ZNF385D: variants seen among roughly 807,000 people sequenced by gnomAD.
ZNF385D encodes the protein zinc finger protein 659.
In ZNF385D, 15 loss-of-function variants were observed where a neutral mutation model predicts 35.8. The ratio of observed to expected loss-of-function variants is 0.42; its 90% confidence interval spans 0.28 to 0.64. The LOEUF (loss-of-function observed/expected upper bound fraction) is 0.64, where lower values mean the gene tolerates loss of function less well. Ranked by LOEUF, ZNF385D falls within the 30% of genes least tolerant of loss-of-function variation. ZNF385D has a pLI of 0.23. For missense variants in ZNF385D, 474 were observed against 494.6 expected (o/e 0.96, Z 0.39); for synonymous variants, 212 against 186.8 (o/e 1.13, Z -1.10).
At chr3:22,242,511 C>G (rs541081598) in intron 2 of ZNF385D, among the ~76,000 whole-genome samples, 4 of 150,592 alleles carry the variant, frequency 2.7e-5, no homozygotes, top group Admixed American at 2.6e-4. Context: ...TAATTCCAAT[C>G]TAATTATGAG....
At chr3:21,439,945 A>G (rs1701772534) in intron 4 of ZNF385D, among the ~76,000 whole-genome samples, 1 of 152,090 alleles carries the variant, frequency 6.6e-6, no homozygotes, top group Non-Finnish European at 1.5e-5. Context: ...TTATTTTCTA[A>G]GCATGTAGTT....
At chr3:22,114,365 A>G (rs1031856288) in intron 3 of ZNF385D, among the ~76,000 whole-genome samples, 101 of 152,154 alleles carry the variant, frequency 6.6e-4, no homozygotes, top group African/African-American at 2.3e-3. Context: ...AAATAAAGGC[A>G]TGATTTACTC....
chr3:22,349,833 T>A (rs1012508566), intron 2 of ZNF385D, among the ~76,000 whole-genome samples: 2 of 152,154 alleles, frequency 1.3e-5, no homozygotes, highest in Admixed American at 1.3e-4. Context: ...GATAAATTTC[T>A]AGACATTGCC....
chr3:22,081,905 G>A (rs147264223), intron 3 of ZNF385D, among the ~76,000 whole-genome samples: 53 of 151,512 alleles, frequency 3.5e-4, no homozygotes, highest in East Asian at 1.8e-3. Context: ...AGCTAACACA[G>A]TGATCTTATC....
At chr3:21,643,815 C>T (rs1047228891) in intron 2 of ZNF385D, among the ~76,000 whole-genome samples, 33 of 152,250 alleles carry the variant, frequency 2.2e-4, no homozygotes, top group African/African-American at 7.7e-4. Flanking sequence ...ATGCTAGTGG[C>T]TTCCCATTTG....
intron 3 of ZNF385D, among the ~76,000 whole-genome samples, chr3:21,951,599 C>T (rs1702070071): frequency 6.6e-6 from 1 of 151,338 alleles, no homozygotes; most frequent in South Asian, 2.1e-4. Context: ...TGAATAAGAC[C>T]CTATTTTCTG....
chr3:21,493,411 G>T (rs1381944967), intron 4 of ZNF385D, among the ~76,000 whole-genome samples: 1 of 152,064 alleles, frequency 6.6e-6, no homozygotes, highest in African/African-American at 2.4e-5. Context: ...TATTTTAGAT[G>T]ATGCCATATT....
chr3:22,287,342 T>A (rs1410527769), intron 2 of ZNF385D, among the ~76,000 whole-genome samples: 3 of 152,006 alleles, frequency 2.0e-5, no homozygotes, highest in Non-Finnish European at 4.4e-5. Flanking sequence ...TACTTTCTTA[T>A]TGCAAATCTT....
intron 2 of ZNF385D, among the ~76,000 whole-genome samples, chr3:21,649,551 C>T (rs62237408): frequency 0.15 from 22,818 of 152,050 alleles, 1,904 homozygotes; most frequent in African/African-American, 0.21. Context: ...TTTTCATTTA[C>T]ACAAGAAGAA....
intron 1 of ZNF385D, among the ~76,000 whole-genome samples, chr3:21,691,155 C>T (rs998181578): frequency 7.2e-5 from 11 of 151,910 alleles, no homozygotes; most frequent in Admixed American, 5.9e-4. Flanking sequence ...AACTTTTGAC[C>T]GCAGCTGTCT....
At chr3:22,094,688 C>A (rs529488583) in intron 3 of ZNF385D, among the ~76,000 whole-genome samples, 1 of 151,952 alleles carries the variant, frequency 6.6e-6, no homozygotes, top group South Asian at 2.1e-4. Flanking sequence ...GAGAAGATGG[C>A]TAGTCATGAG....
chr3:21,743,918 A>C (rs935750767), intron 1 of ZNF385D, among the ~76,000 whole-genome samples: 1 of 152,272 alleles, frequency 6.6e-6, no homozygotes, highest in Admixed American at 6.5e-5. Context: ...CACAAAGTCA[A>C]GTCAAAACAC....
At chr3:21,425,047 A>G (rs1463698731) in intron 6 of ZNF385D, among the ~76,000 whole-genome samples, 1 of 152,206 alleles carries the variant, frequency 6.6e-6, no homozygotes, top group African/African-American at 2.4e-5. Context: ...AACACCATAT[A>G]ATAAAACACA....
intron 1 of ZNF385D, among the ~76,000 whole-genome samples, chr3:21,750,298 C>G (rs971451070): frequency 2.0e-5 from 3 of 152,178 alleles, no homozygotes; most frequent in Non-Finnish European, 1.5e-5. Flanking sequence ...CAAAACTGAC[C>G]TGCACAAATA....
chr3:21,755,148 T>C (rs2070283869), upstream of ZNF385D, among the ~76,000 whole-genome samples: 1 of 152,236 alleles, frequency 6.6e-6, no homozygotes, highest in South Asian at 2.1e-4. Flanking sequence ...AGCTCAGTTG[T>C]GTCTTCCATT....
chr3:21,833,428 G>T (rs1306870390), intron 3 of ZNF385D, among the ~76,000 whole-genome samples: 1 of 152,174 alleles, frequency 6.6e-6, no homozygotes, highest in Non-Finnish European at 1.5e-5. Flanking sequence ...GAGGTGGGAA[G>T]GCTGAATGCC....
At chr3:21,851,652 T>C (rs900397977) in intron 3 of ZNF385D, among the ~76,000 whole-genome samples, 1 of 152,044 alleles carries the variant, frequency 6.6e-6, no homozygotes, top group Non-Finnish European at 1.5e-5. Flanking sequence ...TGATTAATAA[T>C]AGCTGATTAA....
chr3:21,794,244 G>T (rs773175490), intron 3 of ZNF385D, among the ~76,000 whole-genome samples: 8 of 151,984 alleles, frequency 5.3e-5, no homozygotes, highest in Non-Finnish European at 1.0e-4. Context: ...AATTAAAAGA[G>T]AAGAAAAGAG....
At chr3:21,898,722 G>A (rs555182303) in intron 3 of ZNF385D, among the ~76,000 whole-genome samples, 2 of 152,172 alleles carry the variant, frequency 1.3e-5, no homozygotes, top group South Asian at 4.1e-4. Context: ...ACTGTTTTCT[G>A]GACTGATTGA....
Sources: allele counts gnomAD v4.1 joint callset (sites outside exome capture counted in the v4.1 genomes callset), GRCh38; gene constraint gnomAD v4.1.1; transcripts MANE v1.5; gene names NCBI Gene and HGNC (gene_info 2026-07-23, HGNC 2026-07-21).